CCDC148: variants seen among roughly 807,000 people sequenced by gnomAD.
CCDC148 encodes the protein coiled-coil domain containing 148.
In CCDC148, 89 loss-of-function variants were observed where a neutral mutation model predicts 85.7. That is an observed-to-expected ratio of 1.04 (90% CI 0.87 to 1.24). CCDC148 has a LOEUF of 1.24. Ranked by LOEUF, CCDC148 falls within the 50% of genes most tolerant of loss-of-function variation. The pLI is 0.00. For missense variants in CCDC148, 692 were observed against 671.7 expected (o/e 1.03, Z -0.33); for synonymous variants, 230 against 213.9 (o/e 1.08, Z -0.66).
In CCDC148 at chr2:158,350,969, T is replaced by C. The variant is rs1027522576; in HGVS notation, c.148-5651A>G. ...TACTCATCCTCACCCTACTGTGCAA[T>C]AGAACACCAGAACTGATTCCTCCTA... On this transcript the variant is annotated intron_variant, in intron 2 of 13. Coordinates refer to ENST00000283233, the MANE Select transcript of CCDC148 (RefSeq NM_138803.4). Among the ~76,000 whole-genome samples, 13 of 152,210 alleles carry C rather than the reference T, an allele frequency of 8.5e-5. No homozygotes were observed. The South Asian group carries it at 1.5e-3, about 17-fold the overall frequency.
At chr2:158,310,650 T>C (rs191570886) in intron 8 of CCDC148, among the ~76,000 whole-genome samples, 26,705 of 146,474 alleles carry the variant, frequency 0.18, 3,060 homozygotes, top group Middle Eastern at 0.28. Context: ...GACGGGGTCG[T>C]GGCCAGGCAG....
intron 2 of CCDC148, among the ~76,000 whole-genome samples, chr2:158,352,393 A>G (rs1013804901): frequency 2.6e-5 from 4 of 152,244 alleles, no homozygotes; most frequent in Non-Finnish European, 5.9e-5. Flanking sequence ...GAGGTGATGG[A>G]GCTGAAAACC....
chr2:158,353,491 T>G (rs1474463675), intron 2 of CCDC148, among the ~76,000 whole-genome samples: 1 of 151,190 alleles, frequency 6.6e-6, no homozygotes, highest in Non-Finnish European at 1.5e-5. Flanking sequence ...GGCCATTACA[T>G]AATGGTAAAG....
At chr2:158,429,437 A>G (rs959963523) in intron 1 of CCDC148, among the ~76,000 whole-genome samples, 8 of 152,166 alleles carry the variant, frequency 5.3e-5, no homozygotes, top group African/African-American at 1.7e-4. Context: ...AGAAATTCCA[A>G]GATATAATGT....
intron 9 of CCDC148, among the ~76,000 whole-genome samples, chr2:158,283,998 T>G (rs201563857): frequency 1.3e-5 from 2 of 148,412 alleles, no homozygotes; most frequent in Non-Finnish European, 3.0e-5. Flanking sequence ...AAATTGGAAA[T>G]CATCATTCTC....
chr2:158,353,963 G>T (rs915835502), intron 2 of CCDC148, among the ~76,000 whole-genome samples: 2 of 152,144 alleles, frequency 1.3e-5, no homozygotes, highest in African/African-American at 4.8e-5. Flanking sequence ...TGAACAACCT[G>T]CTCCTGAATG....
In CCDC148 at chr2:158,233,033, T is replaced by C. The variant is rs1041187192; in HGVS notation, c.1252-12320A>G. On this transcript the variant is annotated intron_variant, in intron 10 of 13. Transcript: ENST00000283233. ...GAGAATATTCGGAATGTTTCCAACATAAAGAAATGATACATGTTTGAGGTA... is the reference window on the plus strand; with the variant it reads ...GAGAATATTCGGAATGTTTCCAACACAAAGAAATGATACATGTTTGAGGTA... Among the ~76,000 whole-genome samples, 4 of 152,290 alleles carry C rather than the reference T, an allele frequency of 2.6e-5. No individual in the cohort carries two copies. In the East Asian group the frequency reaches 5.8e-4, roughly 22 times the overall value.
intron 9 of CCDC148, among the ~76,000 whole-genome samples, chr2:158,302,594 G>A (rs1008780860): frequency 5.3e-5 from 8 of 152,084 alleles, no homozygotes; most frequent in African/African-American, 1.9e-4. Context: ...GACCATCCTG[G>A]CCAACATGGT....
intron 9 of CCDC148, among the ~76,000 whole-genome samples, chr2:158,255,068 C>T (rs1442048080): frequency 1.4e-5 from 2 of 147,574 alleles, no homozygotes; most frequent in African/African-American, 4.9e-5. Flanking sequence ...GCTGCAAATT[C>T]AACAACCAAA....
At chr2:158,346,177 C>CT (rs1425896957) in intron 2 of CCDC148, among the ~76,000 whole-genome samples, 1 of 152,178 alleles carries the variant, frequency 6.6e-6, no homozygotes, top group Non-Finnish European at 1.5e-5. Flanking sequence ...TCTGCTCCAT[C>CT]TCACAGAGCA....
chr2:158,326,085 A>T (rs925020249), intron 7 of CCDC148, among the ~76,000 whole-genome samples: 4 of 152,126 alleles, frequency 2.6e-5, no homozygotes, highest in Non-Finnish European at 4.4e-5. Flanking sequence ...AAATGGCTAC[A>T]AGGCTCTAAA....
intron 1 of CCDC148, among the ~76,000 whole-genome samples, chr2:158,363,733 A>G (rs575171425): frequency 5.9e-5 from 9 of 152,236 alleles, no homozygotes; most frequent in Non-Finnish European, 1.0e-4. Flanking sequence ...AACTGGAAGC[A>G]TTCCCTTTGA....
intron 10 of CCDC148, among the ~76,000 whole-genome samples, chr2:158,223,507 C>T (rs1040741677): frequency 3.9e-5 from 6 of 152,184 alleles, no homozygotes; most frequent in African/African-American, 9.7e-5. Context: ...GATCTGAGAA[C>T]GGACTGACTG....
intron 11 of CCDC148, among the ~76,000 whole-genome samples, chr2:158,192,487 T>G (rs1574371228): frequency 9.1e-6 from 1 of 110,304 alleles, no homozygotes; most frequent in Admixed American, 9.3e-5. Flanking sequence ...GAAAAACAGA[T>G]AGCTAACTTT....
intron 11 of CCDC148, among the ~76,000 whole-genome samples, chr2:158,203,726 G>C (rs1346089440): frequency 3.3e-5 from 5 of 152,070 alleles, no homozygotes; most frequent in Non-Finnish European, 5.9e-5. Flanking sequence ...AAATTCTATA[G>C]CTATCAAAAG....
At chr2:158,417,271 C>T (rs907710250) in intron 1 of CCDC148, among the ~76,000 whole-genome samples, 6 of 152,340 alleles carry the variant, frequency 3.9e-5, no homozygotes, top group South Asian at 2.1e-4. Context: ...GTAACAACAG[C>T]CACAGATAAT....
At chr2:158,307,653 A>C (rs1037530013) in intron 9 of CCDC148, among the ~76,000 whole-genome samples, 4 of 152,250 alleles carry the variant, frequency 2.6e-5, no homozygotes, top group African/African-American at 4.8e-5. Context: ...AAAACGGCTC[A>C]AATTTCTGTT....
In CCDC148 at chr2:158,441,328, T is replaced by C. The variant is rs534136544; in HGVS notation, c.25+15087A>G. Among the ~76,000 whole-genome samples the C allele has an allele frequency of 5.9e-5, 9 of 152,272 alleles. 1 individual carries two copies. Among genetic ancestry groups the C allele is most frequent in the African/African-American group, 2.2e-4 (9 of 41,580 alleles). ...TTTACCAAAATGAACTATGAAACCC[T>C]AAATGAAAAATATGCAAGATAGAAA... is the stretch of plus-strand genomic sequence containing the variant. On this transcript the variant is annotated intron_variant, in intron 1 of 13. Coordinates refer to ENST00000283233, the MANE Select transcript of CCDC148 (RefSeq NM_138803.4).
At chr2:158,259,969 T>C (rs932746790) in intron 9 of CCDC148, among the ~76,000 whole-genome samples, 1 of 152,012 alleles carries the variant, frequency 6.6e-6, no homozygotes, top group African/African-American at 2.4e-5. Flanking sequence ...CTGTGAATAC[T>C]GCCTAAAATA....
Sources: gnomAD v4.1 joint callset for allele counts (sites outside exome capture counted in the v4.1 genomes callset) on GRCh38, gnomAD v4.1.1 for gene constraint, MANE v1.5 for transcripts, NCBI Gene and HGNC (gene_info 2026-07-23, HGNC 2026-07-21) for gene names.